NLRC5: variants seen among roughly 807,000 people sequenced by gnomAD.
The protein encoded by NLRC5 is protein NLRC5.
Under a neutral mutation model 206.9 loss-of-function variants are expected in NLRC5, and 114 were observed. The ratio of observed to expected loss-of-function variants is 0.55; its 90% CI spans 0.47 to 0.64. The LOEUF (loss-of-function observed/expected upper bound fraction) is 0.64, where lower values mean the gene tolerates loss of function less well. Among genes scored for constraint, NLRC5 ranks in the 30% least tolerant of loss-of-function variants. The probability of loss-of-function intolerance (pLI) is 0.00; values close to 1 mark genes in which losing one functional copy is unlikely to be tolerated. For synonymous variants in NLRC5, 952 were observed against 962.8 expected (o/e 0.99, Z 0.21); for missense variants, 2,008 against 2,305.5 (o/e 0.87, Z 2.64).
At chr16:57,037,623 C>T (rs1413124677) in intron 15 of NLRC5, among the ~76,000 whole-genome samples, 2 of 152,158 alleles carry the variant, frequency 1.3e-5, no homozygotes, top group Non-Finnish European at 2.9e-5. Context: ...CCCTGGGAGA[C>T]TAGGCCAAGG....
chr16:56,991,071 T>C (rs1190954887), intron 1 of NLRC5: 2 of 152,182 alleles, frequency 1.3e-5, no homozygotes, highest in East Asian at 1.9e-4. Flanking sequence ...AATGAACATA[T>C]GCAAATCTAT....
chr16:57,073,399 TG>T (rs1352262347), intron 38 of NLRC5, among the ~76,000 whole-genome samples: 1 of 152,156 alleles, frequency 6.6e-6, no homozygotes, highest in East Asian at 1.9e-4. Flanking sequence ...GCTGTATACC[TG>T]TGATGGAGTG....
In NLRC5 at chr16:57,046,588, A is replaced by C. The variant is rs1422121466; in HGVS notation, c.3285A>C (p.Pro1095=). Residue 1095 remains proline (P), a synonymous_variant, in exon 22 of 49, where the codon CCA becomes CCC. Transcript: ENST00000688547. ...CCACTGGATCTTTGCCAGACTTCCC[A>C]GCTGCAGCCAAGTTCTTAGGGTTCC... is the stretch of plus-strand genomic sequence containing the variant. ...MWATGSLPDF[P]AAAKFLGFRQ... 2 of 1,613,920 alleles carry C rather than the reference A, an allele frequency of 1.2e-6. No individual in the cohort carries two copies. Among genetic ancestry groups the C allele is most frequent in the African/African-American group, 2.7e-5 (2 of 75,000 alleles).
intron 29 of NLRC5, 158 bp from the exon 30 acceptor site, chr16:57,059,309 G>T (rs2066100588): frequency 6.8e-7 from 1 of 1,465,836 alleles, no homozygotes; most frequent in Non-Finnish European, 9.0e-7. Flanking sequence ...CATGCTCACA[G>T]AATGAGTTTG....
rs2061603712 is a variant in NLRC5, at chr16:57,029,780, G to A, written c.2251G>A (p.Asp751Asn). Reference sequence around the variant, plus strand: ...GCCTTGGTCTCCTCGCAGTTTTCGGGACAACCAGCTCAGTGACCAGGTGGT... The same window carrying A: ...GCCTTGGTCTCCTCGCAGTTTTCGGAACAACCAGCTCAGTGACCAGGTGGT... The part of the protein sequence containing the change: ...CPQLKEVSFR[D>N]NQLSDQVVLN... The change falls in exon 9 of 49, where the codon GAC (aspartate) becomes AAC (asparagine). Residue 751 changes from aspartate (D) to asparagine (N), a missense_variant. Physicochemically the swap from Asp to Asn is conservative, Grantham distance 23. Coordinates refer to ENST00000688547, the MANE Select transcript of NLRC5 (RefSeq NM_001384950.1). The A allele has an allele frequency of 6.2e-7, 1 of 1,614,126 alleles. No individual in the cohort carries two copies. The highest frequency in any genetic ancestry group is 8.5e-7 in the Non-Finnish European group (1 of 1,179,998).
intron 23 of NLRC5, among the ~76,000 whole-genome samples, chr16:57,050,959 T>A (rs1451151672): frequency 6.6e-6 from 1 of 152,162 alleles, no homozygotes; most frequent in Non-Finnish European, 1.5e-5. Flanking sequence ...TTCAAGTGAT[T>A]CCCATGCCTC....
At position 57,036,289 on chromosome 16, in the gene NLRC5, T is replaced by G. The variant is rs1254287029; in HGVS notation, c.2711+106T>G. On this transcript the variant is annotated intron_variant, in intron 14 of 48. Transcript: ENST00000688547. ...AAGGGTGCTGATCCACTGCCACCCC[T>G]GCTTCCTCCCAACTCCAGCAAAGTC... 3.9e-6 allele frequency: 4 copies of G among 1,016,146 alleles called. No homozygotes were observed. In the African/African-American group the frequency reaches 6.4e-5, roughly 16 times the overall value. 62.9% of individuals were successfully genotyped at this position (1,016,146 alleles called of 1,614,324 possible). A position where few individuals can be genotyped will look rare whatever the true frequency, so the allele number is the denominator to read the frequency against.
At chr16:57,004,303 C>A (rs1395829979) in intron 1 of NLRC5, among the ~76,000 whole-genome samples, 4 of 152,166 alleles carry the variant, frequency 2.6e-5, no homozygotes, top group African/African-American at 9.7e-5. Flanking sequence ...TAAATTGAGA[C>A]CAGCTCTCAC....
In NLRC5 at chr16:57,037,263, C is replaced by T; in HGVS notation, c.2780C>T (p.Thr927Ile). ...CTGAGGGCCGTGAGTGCGTGCTGGA[C>T]CCTGGCAGAGCTGCACATCAGGTGG... ...CVLRAVSACWTLAELHISLQH... is the reference protein window; with the variant it reads ...CVLRAVSACWILAELHISLQH... The change falls in exon 15 of 49, where the codon ACC becomes ATC. Residue 927 changes from threonine (T) to isoleucine (I), a missense_variant. Coordinates refer to ENST00000688547, the MANE Select transcript of NLRC5 (RefSeq NM_001384950.1). The T allele has an allele frequency of 6.2e-7, 1 of 1,613,502 alleles. No individual in the cohort carries two copies. The highest frequency in any genetic ancestry group is 8.5e-7 in the Non-Finnish European group (1 of 1,179,962).
At chr16:57,027,042 G>T in intron 6 of NLRC5, 24 bp downstream of exon 6, 1 of 1,600,900 alleles carries the variant, frequency 6.2e-7, no homozygotes, top group South Asian at 1.1e-5. Context: ...GAGGAGGACC[G>T]GGGAGGGGAT....
chr16:57,080,992 C>A (rs1597473389), intron 46 of NLRC5, 106 bp from the exon 47 acceptor site: 2 of 988,518 alleles, frequency 2.0e-6, no homozygotes, highest in Non-Finnish European at 3.0e-6. Flanking sequence ...CTCTTGAAAA[C>A]CCTTGCCCCC....
intron 1 of NLRC5, among the ~76,000 whole-genome samples, chr16:57,002,816 T>C (rs1449442384): frequency 2.0e-5 from 3 of 151,990 alleles, no homozygotes; most frequent in African/African-American, 2.4e-5. Flanking sequence ...AGCTAATTTT[T>C]GTATTTTTAG....
intron 10 of NLRC5, among the ~76,000 whole-genome samples, chr16:57,030,447 GAT>G: frequency 5.1e-5 from 5 of 98,186 alleles, no homozygotes; most frequent in South Asian, 4.4e-4. Context: ...AAGATGGATG[GAT>G]GGATGGATGG....
chr16:57,066,413 C>A, intron 33 of NLRC5, 121 bp from the exon 34 acceptor site: 2 of 783,618 alleles, frequency 2.6e-6, no homozygotes, highest in Non-Finnish European at 4.4e-6. Flanking sequence ...TGGTCCCTGG[C>A]AGGGGAGAAG....
intron 39 of NLRC5, among the ~76,000 whole-genome samples, chr16:57,076,282 G>C (rs192126388): frequency 6.6e-6 from 1 of 152,306 alleles, no homozygotes; most frequent in African/African-American, 2.4e-5. Context: ...TTCCCAAGGG[G>C]CTAAGACCAT....
rs772654421 is a variant in NLRC5 at position 57,077,624 on chromosome 16, G to A, written c.4920-95G>A. The A allele has an allele frequency of 4.0e-6, 5 of 1,257,124 alleles. No homozygotes were observed. In the African/African-American group the frequency reaches 7.5e-5, roughly 19 times the overall value. The allele number at this position is 1,257,124 out of a possible 1,614,324, so 77.9% of individuals were successfully genotyped here. On this transcript the variant is annotated intron_variant, in intron 41 of 48. Coordinates refer to ENST00000688547, the MANE Select transcript of NLRC5 (RefSeq NM_001384950.1). ...TGTGGTGTCGGGGGGTTGTCTCTTAGGCCCCCTGAAGCAGGGGTGGCAGAC... is the reference window on the plus strand; with the variant it reads ...TGTGGTGTCGGGGGGTTGTCTCTTAAGCCCCCTGAAGCAGGGGTGGCAGAC...
At position 57,077,340 on chromosome 16, in the gene NLRC5, C is replaced by G; in HGVS notation, c.4880C>G (p.Ala1627Gly). Residue 1627 changes from alanine to glycine, a missense_variant, in exon 41 of 49, where the codon GCT becomes GGT. By Grantham distance (60) the Ala-to-Gly change is moderately conservative. Transcript: ENST00000688547. ...QIGDAGVQHL[A>G]TILPGLPELR... is the part of the protein sequence containing the mutation. The stretch of plus-strand genomic sequence containing the variant: ...GGAGACGCTGGTGTCCAGCACTTAG[C>G]TACCATCCTGCCTGGGCTGCCAGAG... 3 of 1,614,070 alleles carry G rather than the reference C, an allele frequency of 1.9e-6. No individual in the cohort carries two copies. Among genetic ancestry groups the G allele is most frequent in the Non-Finnish European group, 2.5e-6 (3 of 1,179,992 alleles).
chr16:57,016,069 G>A (rs1458961830), intron 1 of NLRC5, among the ~76,000 whole-genome samples: 2 of 151,886 alleles, frequency 1.3e-5, no homozygotes, highest in African/African-American at 4.8e-5. Context: ...ACTAGAATTA[G>A]CCAGACGTGG....
intron 23 of NLRC5, among the ~76,000 whole-genome samples, chr16:57,049,037 A>G (rs2064422881): frequency 1.3e-5 from 2 of 152,200 alleles, no homozygotes; most frequent in African/African-American, 2.4e-5. Flanking sequence ...CCTGGGCCAC[A>G]TTGGAAGAAG....
Sources: allele counts gnomAD v4.1 joint callset (sites outside exome capture counted in the v4.1 genomes callset), GRCh38; gene constraint gnomAD v4.1.1; transcripts MANE v1.5; gene names NCBI Gene and HGNC (gene_info 2026-07-23, HGNC 2026-07-21).